Variants in RUNX1 observed in about 807,000 individuals in gnomAD.
RUNX1 encodes the protein runt-related transcription factor 1.
RUNX1 carries 19 observed loss-of-function variants against 42.8 expected under a neutral mutation model. The ratio of observed to expected loss-of-function variants is 0.44; its 90% confidence interval spans 0.31 to 0.65. The LOEUF is 0.65. Ranked by LOEUF, RUNX1 falls within the 30% of genes least tolerant of loss-of-function variation. The pLI is 0.07. For missense variants in RUNX1, 528 were observed against 672.0 expected (o/e 0.79, Z 2.37); for synonymous variants, 271 against 289.4 (o/e 0.94, Z 0.64).
At position 34,847,053 on chromosome 21, in the gene RUNX1, C is replaced by T. The variant is rs147820679; in HGVS notation, c.613+12421G>A. Among the ~76,000 whole-genome samples the T allele has an allele frequency of 4.0e-3, 616 of 152,302 alleles. 5 individuals carry two copies. Among genetic ancestry groups the T allele is most frequent in the African/African-American group, 0.013 (539 of 41,550 alleles). On this transcript the variant is annotated intron_variant, in intron 6 of 8. Transcript: ENST00000675419. ...AAAGCCACAGGGGAAAAAAGGAATA[C>T]GGACTCAGCAACTCTTAGGTGCTCT...
intron 2 of RUNX1, among the ~76,000 whole-genome samples, chr21:34,987,695 A>G (rs929710247): frequency 2.6e-5 from 4 of 152,246 alleles, no homozygotes; most frequent in Admixed American, 6.5e-5. Context: ...AGAGCATTTT[A>G]TCCTAGCTAG....
At chr21:34,894,684 C>A (rs974471813) in intron 2 of RUNX1, among the ~76,000 whole-genome samples, 1 of 152,102 alleles carries the variant, frequency 6.6e-6, no homozygotes, top group Admixed American at 6.6e-5. Context: ...CATGCTCTCT[C>A]TCTGTCTCTC....
intron 2 of RUNX1, among the ~76,000 whole-genome samples, chr21:35,007,079 A>C (rs992468773): frequency 6.6e-6 from 1 of 152,250 alleles, no homozygotes; most frequent in South Asian, 2.1e-4. Flanking sequence ...CCTGCACACC[A>C]GATCTCAAAG....
chr21:34,947,545 A>G (rs1348895997), intron 2 of RUNX1, among the ~76,000 whole-genome samples: 1 of 152,230 alleles, frequency 6.6e-6, no homozygotes. Flanking sequence ...ATTATAAGGA[A>G]GCCCCTGTCT....
chr21:34,971,283 T>C (rs894974830), intron 2 of RUNX1, among the ~76,000 whole-genome samples: 3 of 152,308 alleles, frequency 2.0e-5, no homozygotes, highest in South Asian at 2.1e-4. Context: ...TTAAAAGATA[T>C]AGCATGTAAC....
rs1555898234 is a variant in RUNX1 at position 34,878,360 on chromosome 21, A to AAT, written c.508+2195_508+2196dup. Among the ~76,000 whole-genome samples the AAT allele has an allele frequency of 2.2e-3, 299 of 133,386 alleles. 1 individual carries two copies. The highest frequency in any genetic ancestry group is 4.7e-3 in the South Asian group (20 of 4,230). The allele number at this position is 133,386 out of a possible 152,430, so 87.5% of individuals were successfully genotyped here. A position where few individuals can be genotyped will look rare whatever the true frequency, so the allele number is the denominator to read the frequency against. Reference sequence around the variant, plus strand: ...AGCGCTGACTAAAAAAAAAAAAAAAAATATATATATATATATACACACACA... The same window carrying AAT: ...AGCGCTGACTAAAAAAAAAAAAAAAAATATATATATATATATATACACACACA... On this transcript the variant is annotated intron_variant, in intron 5 of 8. Transcript: ENST00000675419.
intron 6 of RUNX1, among the ~76,000 whole-genome samples, chr21:34,852,169 A>AAAAACAAAACAAAACAAAAC (rs3831802): frequency 6.6e-6 from 1 of 150,974 alleles, no homozygotes; most frequent in African/African-American, 2.4e-5. Flanking sequence ...CTCTGTCTCA[A>AAAAACAAAACAAAACAAAAC]AAAACAAAAC....
At chr21:34,831,136 G>C (rs888971645) in intron 7 of RUNX1, among the ~76,000 whole-genome samples, 1 of 152,138 alleles carries the variant, frequency 6.6e-6, no homozygotes, top group African/African-American at 2.4e-5. Context: ...AGAATTCTAA[G>C]ACTCGATCGT....
chr21:34,870,725 C>T (rs977396918), intron 5 of RUNX1, among the ~76,000 whole-genome samples: 5 of 152,010 alleles, frequency 3.3e-5, no homozygotes, highest in Non-Finnish European at 5.9e-5. Context: ...TTTGGGAGGC[C>T]GAGGCAGGCA....
At chr21:35,001,303 T>C (rs1483559254) in intron 2 of RUNX1, among the ~76,000 whole-genome samples, 1 of 99,648 alleles carries the variant, frequency 1.0e-5, no homozygotes, top group Non-Finnish European at 2.0e-5. Flanking sequence ...TTTTGAGTTA[T>C]GGTTTTATAT....
intron 2 of RUNX1, among the ~76,000 whole-genome samples, chr21:35,028,699 T>C (rs1360152311): frequency 6.6e-6 from 1 of 152,264 alleles, no homozygotes; most frequent in African/African-American, 2.4e-5. Context: ...CATTTCATGC[T>C]ATATAATCTT....
chr21:34,790,856 T>TC lies in RUNX1; in HGVS notation c.*1278dup, dbSNP rs2145865775. 8.6e-6 allele frequency: 2 copies of TC among 233,154 alleles called. No individual in the cohort carries two copies. The highest frequency in any genetic ancestry group is 3.6e-4 in the South Asian group (2 of 5,522). 14.4% of individuals were successfully genotyped at this position (233,154 alleles called of 1,614,324 possible). ...GATTTGGTTCCTATGTAAATGTGGCTCCCCTACACAGTTTACTTTGGCTGT... is the reference window on the plus strand; with the variant it reads ...GATTTGGTTCCTATGTAAATGTGGCTCCCCCTACACAGTTTACTTTGGCTGT... On this transcript the variant is annotated 3_prime_UTR_variant, in exon 9 of 9. Coordinates refer to ENST00000675419, the MANE Select transcript of RUNX1 (RefSeq NM_001754.5).
intron 2 of RUNX1, among the ~76,000 whole-genome samples, chr21:34,997,695 G>A (rs914584679): frequency 4.6e-5 from 7 of 152,236 alleles, no homozygotes; most frequent in Admixed American, 6.5e-5. Flanking sequence ...GTGTGGAGAT[G>A]CTTTCCTAGG....
intron 6 of RUNX1, among the ~76,000 whole-genome samples, chr21:34,844,219 T>C (rs1487725968): frequency 2.0e-5 from 3 of 152,136 alleles, no homozygotes; most frequent in Non-Finnish European, 4.4e-5. Context: ...AAAGAAAGTA[T>C]TGGTGGCGGG....
At chr21:34,971,061 G>A (rs1160237642) in intron 2 of RUNX1, among the ~76,000 whole-genome samples, 2 of 152,142 alleles carry the variant, frequency 1.3e-5, no homozygotes, top group Non-Finnish European at 2.9e-5. Context: ...TATTTCAGCT[G>A]TGTCCATGAG....
intron 2 of RUNX1, among the ~76,000 whole-genome samples, chr21:35,009,279 T>A (rs1299420837): frequency 6.6e-6 from 1 of 152,206 alleles, no homozygotes; most frequent in African/African-American, 2.4e-5. Flanking sequence ...CAAATTGGGA[T>A]TGTGAAAATG....
intron 2 of RUNX1, among the ~76,000 whole-genome samples, chr21:34,991,378 G>A (rs1786536439): frequency 6.6e-6 from 1 of 152,162 alleles, no homozygotes; most frequent in Non-Finnish European, 1.5e-5. Context: ...ATTCTGGTTG[G>A]CCCTATGAGT....
intron 7 of RUNX1, among the ~76,000 whole-genome samples, chr21:34,812,711 A>G (rs567957332): frequency 6.6e-6 from 1 of 152,338 alleles, no homozygotes; most frequent in South Asian, 2.1e-4. Flanking sequence ...TCATACTTCA[A>G]TAGATGAGGT....
intron 2 of RUNX1, among the ~76,000 whole-genome samples, chr21:34,978,189 C>T (rs1215537630): frequency 6.6e-6 from 1 of 152,184 alleles, no homozygotes; most frequent in Non-Finnish European, 1.5e-5. Context: ...CCGCCCGCCT[C>T]GGCCTCCCAG....
Sources: gnomAD v4.1 joint callset for allele counts (sites outside exome capture counted in the v4.1 genomes callset) on GRCh38, gnomAD v4.1.1 for gene constraint, MANE v1.5 for transcripts, NCBI Gene and HGNC (gene_info 2026-07-23, HGNC 2026-07-21) for gene names.